The following PCA3 variants were observed in gnomAD, a reference collection of about 807,000 sequenced individuals.
The protein encoded by PCA3 is prostate cancer associated 3.
intron 2 of PCA3, among the ~76,000 whole-genome samples, chr9:76,770,080 A>G (rs576015216): frequency 6.6e-6 from 1 of 152,280 alleles, no homozygotes; most frequent in East Asian, 1.9e-4. Flanking sequence ...TTGCCAATTT[A>G]TTATTGTTAA....
chr9:76,774,453 T>TTTTTATTTATTTTTTTATTTA (rs1554761597), intron 2 of PCA3, among the ~76,000 whole-genome samples: 2 of 122,224 alleles, frequency 1.6e-5, no homozygotes, highest in Non-Finnish European at 3.6e-5. Flanking sequence ...TTCAACCCTT[T>TTTTTATTTATTTTTTTATTTA]TTTTTTTTTT....
chr9:76,774,450 CTTTTTTTTTTT>C (rs869289049), intron 2 of PCA3, among the ~76,000 whole-genome samples: 1 of 41,402 alleles, frequency 2.4e-5, no homozygotes, highest in Non-Finnish European at 3.9e-5. Context: ...CAGTTCAACC[CTTTTTTTTTTT>C]TTTTTTTTTT....
At chr9:76,787,124 T>G (rs1180402921) in intron 2 of PCA3, 1 of 152,234 alleles carries the variant, frequency 6.6e-6, no homozygotes, top group East Asian at 1.9e-4. Flanking sequence ...ATCAATTTTT[T>G]AAACTTGCTG....
chr9:76,772,590 G>T (rs1222808251), intron 2 of PCA3, among the ~76,000 whole-genome samples: 1 of 151,858 alleles, frequency 6.6e-6, no homozygotes, highest in Non-Finnish European at 1.5e-5. Flanking sequence ...TTAGAGACAG[G>T]GTCTTGCTTG....
intron 2 of PCA3, among the ~76,000 whole-genome samples, chr9:76,766,748 TG>T (rs1389386945): frequency 7.1e-6 from 1 of 140,532 alleles, no homozygotes; most frequent in South Asian, 2.5e-4. Flanking sequence ...CAGCCTGAAA[TG>T]TACAATCCCC....
At chr9:76,772,376 A>G (rs752776360) in intron 2 of PCA3, among the ~76,000 whole-genome samples, 1 of 152,124 alleles carries the variant, frequency 6.6e-6, no homozygotes, top group East Asian at 1.9e-4. Context: ...TTTGGGGGCT[A>G]TGCAACCACA....
chr9:76,772,845 A>C (rs1479131729), intron 2 of PCA3, among the ~76,000 whole-genome samples: 3 of 152,194 alleles, frequency 2.0e-5, no homozygotes, highest in Non-Finnish European at 2.9e-5. Flanking sequence ...ATTAACAGGC[A>C]TGAGCCACTG....
intron 2 of PCA3, chr9:76,784,757 C>T (rs554362159): frequency 6.6e-6 from 1 of 152,300 alleles, no homozygotes; most frequent in East Asian, 1.9e-4. Flanking sequence ...CAAGATCTTT[C>T]CAGGGTTATA....
chr9:76,773,679 G>A (rs2130997230), intron 2 of PCA3, among the ~76,000 whole-genome samples: 1 of 152,106 alleles, frequency 6.6e-6, no homozygotes, highest in Non-Finnish European at 1.5e-5. Context: ...CCTGACCTCA[G>A]GTGATCCACC....
chr9:76,768,297 A>T (rs2052655702), intron 2 of PCA3, among the ~76,000 whole-genome samples: 1 of 152,066 alleles, frequency 6.6e-6, no homozygotes, highest in African/African-American at 2.4e-5. Context: ...GGTTCAAACA[A>T]TTCTCCTACC....
At chr9:76,773,663 C>T (rs746625899) in intron 2 of PCA3, among the ~76,000 whole-genome samples, 6 of 152,016 alleles carry the variant, frequency 3.9e-5, no homozygotes, top group East Asian at 1.9e-4. Context: ...AGGCTGGTCT[C>T]GAACTCCTGA....
At chr9:76,776,127 C>A (rs1435569733) in intron 2 of PCA3, among the ~76,000 whole-genome samples, 2 of 152,134 alleles carry the variant, frequency 1.3e-5, no homozygotes, top group Admixed American at 1.3e-4. Flanking sequence ...AGACAGTAAG[C>A]ACAAATGAAA....
intron 2 of PCA3, among the ~76,000 whole-genome samples, chr9:76,768,579 ATGTATG>A (rs1294850865): frequency 1.3e-3 from 129 of 100,612 alleles, no homozygotes; most frequent in African/African-American, 3.6e-3. Flanking sequence ...ATATATGTAT[ATGTATG>A]TGTGTGTGTG....
At chr9:76,769,895 T>C (rs1258968148) in intron 2 of PCA3, among the ~76,000 whole-genome samples, 1 of 152,128 alleles carries the variant, frequency 6.6e-6, no homozygotes, top group Non-Finnish European at 1.5e-5. Context: ...TCAAAAATAC[T>C]TTAAAATAAA....
chr9:76,765,807 A>G (rs1454746221), intron 2 of PCA3, among the ~76,000 whole-genome samples: 1 of 152,130 alleles, frequency 6.6e-6, no homozygotes, highest in African/African-American at 2.4e-5. Flanking sequence ...CACTTTCCTT[A>G]TCTATGAAAT....
chr9:76,781,071 A>G (rs751100434), intron 2 of PCA3, among the ~76,000 whole-genome samples: 22 of 152,200 alleles, frequency 1.4e-4, no homozygotes, highest in Admixed American at 1.4e-3. Flanking sequence ...GATATATTAA[A>G]TATCTATAAA....
At chr9:76,766,007 C>T (rs996970595) in intron 2 of PCA3, among the ~76,000 whole-genome samples, 46 of 151,952 alleles carry the variant, frequency 3.0e-4, no homozygotes, top group Admixed American at 3.3e-4. Context: ...ATGATGAAAC[C>T]CCGTCTCTAC....
At chr9:76,780,736 G>GTTTTGT (rs199838449) in intron 2 of PCA3, among the ~76,000 whole-genome samples, 6 of 152,070 alleles carry the variant, frequency 3.9e-5, no homozygotes, top group Non-Finnish European at 7.4e-5. Flanking sequence ...CAGCAAGAGG[G>GTTTTGT]TTTTGTTTTT....
At chr9:76,787,104 T>C (rs1482252499) in intron 2 of PCA3, 8 of 152,244 alleles carry the variant, frequency 5.3e-5, no homozygotes, top group Non-Finnish European at 7.3e-5. Flanking sequence ...TCACATGTTT[T>C]ATCTGCCCTA....
Sources: allele counts gnomAD v4.1 joint callset (sites outside exome capture counted in the v4.1 genomes callset), GRCh38; gene constraint gnomAD v4.1.1; transcripts MANE v1.5; gene names NCBI Gene and HGNC (gene_info 2026-07-23, HGNC 2026-07-21).